Variants in SPOPL observed in about 807,000 individuals in gnomAD.
SPOPL encodes speckle type BTB/POZ protein like.
In SPOPL, 23 loss-of-function variants were observed where a neutral mutation model predicts 53.8. The observed-to-expected ratio is 0.43, with a 90% CI of 0.31 to 0.61. SPOPL has a LOEUF of 0.61. SPOPL is among the 20% of genes least tolerant of loss of function. The pLI is 0.12. For synonymous variants in SPOPL, 164 were observed against 149.7 expected (o/e 1.10, Z -0.70); for missense variants, 442 against 466.9 (o/e 0.95, Z 0.49).
intron 1 of SPOPL, among the ~76,000 whole-genome samples, chr2:138,505,841 C>T (rs1190920317): frequency 6.6e-6 from 1 of 152,072 alleles, no homozygotes; most frequent in Non-Finnish European, 1.5e-5. Flanking sequence ...AACAAAGGCA[C>T]ACCAATCCAT....
At chr2:138,534,883 T>G (rs1343080774) in intron 1 of SPOPL, among the ~76,000 whole-genome samples, 1 of 152,236 alleles carries the variant, frequency 6.6e-6, no homozygotes, top group African/African-American at 2.4e-5. Context: ...TTCTTTCACT[T>G]AGCATAATGT....
chr2:138,514,398 G>A (rs1684395275), intron 1 of SPOPL, among the ~76,000 whole-genome samples: 1 of 152,200 alleles, frequency 6.6e-6, no homozygotes, highest in African/African-American at 2.4e-5. Context: ...GAGCAGAGGG[G>A]TGACTTTGAA....
chr2:138,514,693 C>T (rs1236999333), intron 1 of SPOPL, among the ~76,000 whole-genome samples: 1 of 152,058 alleles, frequency 6.6e-6, no homozygotes, highest in African/African-American at 2.4e-5. Flanking sequence ...GTCTTTTGGT[C>T]CCATGTGTGC....
intron 5 of SPOPL, chr2:138,554,420 G>T: frequency 8.3e-7 from 1 of 1,211,038 alleles, no homozygotes; most frequent in Non-Finnish European, 1.1e-6. Context: ...CCCGCTCACG[G>T]ATGCCCTTCC....
intron 1 of SPOPL, among the ~76,000 whole-genome samples, chr2:138,540,684 GC>G (rs1685051040): frequency 6.6e-6 from 1 of 152,190 alleles, no homozygotes; most frequent in Admixed American, 6.5e-5. Flanking sequence ...CATGTCATCT[GC>G]AAACAGGGAC....
chr2:138,565,176 G>A (rs1318010316), intron 10 of SPOPL, among the ~76,000 whole-genome samples, 183 bp downstream of exon 10: 1 of 152,214 alleles, frequency 6.6e-6, no homozygotes, highest in Admixed American at 6.5e-5. Context: ...TTGTAGGTCA[G>A]CTTCTAATGC....
intron 4 of SPOPL, 84 bp from the exon 5 acceptor site, chr2:138,552,470 A>G: frequency 6.8e-7 from 1 of 1,471,378 alleles, no homozygotes. Context: ...TCCTGTTTTC[A>G]CACATTTTAT....
chr2:138,565,447 C>CTTTGGA (rs1348056472), intron 10 of SPOPL, among the ~76,000 whole-genome samples: 1 of 152,128 alleles, frequency 6.6e-6, no homozygotes, highest in Non-Finnish European at 1.5e-5. Flanking sequence ...TCCTAATAGT[C>CTTTGGA]CAAAAATGGT....
intron 1 of SPOPL, among the ~76,000 whole-genome samples, chr2:138,522,711 C>T (rs532735822): frequency 1.3e-5 from 2 of 152,254 alleles, no homozygotes; most frequent in Admixed American, 6.5e-5. Flanking sequence ...TGGTGTCCAG[C>T]TCTGCCACTT....
chr2:138,545,579 G>A (rs1007169950), intron 1 of SPOPL, among the ~76,000 whole-genome samples: 10 of 143,156 alleles, frequency 7.0e-5, no homozygotes, highest in Non-Finnish European at 9.1e-5. Flanking sequence ...GACTATAGGC[G>A]CCTGCCATCA....
chr2:138,559,101 C>T lies in SPOPL; in HGVS notation c.560C>T (p.Ala187Val). ...NTLKVPECRL[A>V]EDLGNLWENT... ...TTGAAGGTGCCTGAGTGTCGTCTAG[C>T]AGAAGATTTAGGTAATCTCTGGGAA... is the stretch of plus-strand genomic sequence containing the variant. The change falls in exon 6 of 11, where the codon GCA (alanine) becomes GTA (valine). Residue 187 changes from alanine to valine, a missense_variant. Ala to Val is a moderately conservative substitution (Grantham distance 64). Coordinates refer to ENST00000280098, the MANE Select transcript of SPOPL (RefSeq NM_001001664.3). 1 of 1,613,750 alleles carries T rather than the reference C, an allele frequency of 6.2e-7. No individual in the cohort carries two copies. Among genetic ancestry groups the T allele is most frequent in the Non-Finnish European group, 8.5e-7 (1 of 1,179,836 alleles).
At chr2:138,506,950 G>T (rs1438348783) in intron 1 of SPOPL, among the ~76,000 whole-genome samples, 1 of 152,160 alleles carries the variant, frequency 6.6e-6, no homozygotes, top group Non-Finnish European at 1.5e-5. Flanking sequence ...AACAAAAGAG[G>T]CTGAGAAGGA....
At chr2:138,515,068 A>G (rs191776193) in intron 1 of SPOPL, among the ~76,000 whole-genome samples, 212 of 152,316 alleles carry the variant, frequency 1.4e-3, no homozygotes, top group African/African-American at 5.0e-3. Flanking sequence ...TCACCTTGCC[A>G]GTTGGTAAGA....
chr2:138,503,365 A>G (rs1293081534), intron 1 of SPOPL, among the ~76,000 whole-genome samples: 3 of 152,174 alleles, frequency 2.0e-5, no homozygotes, highest in Non-Finnish European at 4.4e-5. Flanking sequence ...TAGTAATTGC[A>G]CAAGTAAATA....
At chr2:138,527,492 G>T (rs371154226) in intron 1 of SPOPL, among the ~76,000 whole-genome samples, 1 of 151,748 alleles carries the variant, frequency 6.6e-6, no homozygotes, top group Admixed American at 6.6e-5. Context: ...TATTTATCTT[G>T]CACATTAAAC....
chr2:138,547,179 T>A (rs1685214268), intron 1 of SPOPL, among the ~76,000 whole-genome samples: 1 of 152,146 alleles, frequency 6.6e-6, no homozygotes, highest in Non-Finnish European at 1.5e-5. Flanking sequence ...TTTGCCAGAC[T>A]GGTCTTGAAC....
At chr2:138,529,537 T>TGCGC (rs1377479258) in intron 1 of SPOPL, among the ~76,000 whole-genome samples, 42 of 100,024 alleles carry the variant, frequency 4.2e-4, no homozygotes, top group Admixed American at 1.0e-3. Flanking sequence ...TGTGTGTGTT[T>TGCGC]GCGTGCGCGC....
chr2:138,536,425 C>CTAA (rs1684937727), intron 1 of SPOPL, among the ~76,000 whole-genome samples: 1 of 152,088 alleles, frequency 6.6e-6, no homozygotes, highest in Admixed American at 6.6e-5. Context: ...TTCCCAGTTA[C>CTAA]CCTGGGTGAT....
intron 1 of SPOPL, among the ~76,000 whole-genome samples, chr2:138,516,179 A>C (rs1455336192): frequency 6.6e-6 from 1 of 152,188 alleles, no homozygotes; most frequent in Non-Finnish European, 1.5e-5. Flanking sequence ...TTAGATTGAT[A>C]TGGAGTGGAG....
Sources: allele counts gnomAD v4.1 joint callset (sites outside exome capture counted in the v4.1 genomes callset), GRCh38; gene constraint gnomAD v4.1.1; transcripts MANE v1.5; gene names NCBI Gene and HGNC (gene_info 2026-07-23, HGNC 2026-07-21).